The following MFN1 variants were observed in gnomAD, a reference collection of about 807,000 sequenced individuals.
MFN1 encodes the protein mitofusin-1.
Under a neutral mutation model 92.4 loss-of-function variants are expected in MFN1, and 65 were observed. The ratio of observed to expected loss-of-function variants is 0.70; its 90% CI spans 0.58 to 0.86. The LOEUF is 0.86. Among genes scored for constraint, MFN1 ranks in the 40% least tolerant of loss-of-function variants. The pLI, the probability that MFN1 is intolerant of heterozygous loss-of-function variation, is 0.00. For synonymous variants in MFN1, 297 were observed against 300.9 expected, an observed-to-expected ratio of 0.99 and a Z score of 0.13; for missense variants, 781 against 868.0, an observed-to-expected ratio of 0.90 and a Z score of 1.26.
Position 179,361,602 on chromosome 3 carries a change from T to A in MFN1, c.412-756T>A, listed in dbSNP as rs376022374. Among the ~76,000 whole-genome samples, 5 of 151,892 alleles carry A rather than the reference T, an allele frequency of 3.3e-5. 2 individuals carry two copies. The highest frequency in any genetic ancestry group is 6.6e-5 in the Admixed American group (1 of 15,232). ...CCCAGGCTGGGGTGCAGTGGCGTGA[T>A]CTTGGCTCACTGCAACCTTCACCTC... On this transcript the variant is annotated intron_variant, in intron 4 of 17. Coordinates refer to ENST00000471841, the MANE Select transcript of MFN1 (RefSeq NM_033540.3).
At chr3:179,373,966 C>T (rs1007561208) in intron 9 of MFN1, among the ~76,000 whole-genome samples, 1 of 151,964 alleles carries the variant, frequency 6.6e-6, no homozygotes, top group Non-Finnish European at 1.5e-5. Flanking sequence ...AGCCACCACG[C>T]CCGGCCCAAT....
intron 13 of MFN1, 37 bp from the exon 14 acceptor site, chr3:179,378,548 A>G (rs1713341994): frequency 1.3e-6 from 2 of 1,558,842 alleles, no homozygotes; most frequent in Non-Finnish European, 1.8e-6. Flanking sequence ...AACATTTACC[A>G]TTCTTATCTT....
chr3:179,359,059 T>C, intron 4 of MFN1, 57 bp downstream of exon 4: 1 of 1,459,362 alleles, frequency 6.9e-7, no homozygotes, highest in Non-Finnish European at 9.1e-7. Context: ...CTGAACTTAT[T>C]CTTTAATAAC....
At chr3:179,357,304 C>CTACA (rs1712383967) in intron 3 of MFN1, among the ~76,000 whole-genome samples, 1 of 152,200 alleles carries the variant, frequency 6.6e-6, no homozygotes, top group Admixed American at 6.5e-5. Context: ...AGCCATATTT[C>CTACA]TGTCCAGACC....
intron 16 of MFN1, 125 bp downstream of exon 16, chr3:179,386,754 C>A: frequency 3.5e-6 from 3 of 868,332 alleles, no homozygotes; most frequent in Non-Finnish European, 5.3e-6. Context: ...TTCGTGATGG[C>A]CATAAATGAG....
intron 3 of MFN1, among the ~76,000 whole-genome samples, chr3:179,353,390 T>C (rs1297409496): frequency 6.7e-6 from 1 of 149,392 alleles, no homozygotes; most frequent in African/African-American, 2.5e-5. Flanking sequence ...ATATTTTTAT[T>C]AGAGATAGGG....
At chr3:179,356,803 G>A (rs1337081175) in intron 3 of MFN1, among the ~76,000 whole-genome samples, 1 of 152,024 alleles carries the variant, frequency 6.6e-6, no homozygotes, top group Non-Finnish European at 1.5e-5. Context: ...ATATGGGGTG[G>A]AGGGACCCAA....
At position 179,392,053 on chromosome 3, in the gene MFN1, A is replaced by C. The variant is rs1299799469; in HGVS notation, c.2220A>C (p.Glu740Asp). Residue 740 changes from glutamate to aspartate, a missense_variant, in exon 18 of 18, where the codon GAA becomes GAC. Glu to Asp is a conservative substitution (Grantham distance 45, BLOSUM62 2). Coordinates refer to ENST00000471841, the MANE Select transcript of MFN1 (RefSeq NM_033540.3). ...AGTTTCTACCTTCAAGCAATGAAGA[A>C]TCCTAACAATAGAGATTGCTTTGGT... ...TKQFLPSSNE[E>D]S 5.6e-6 allele frequency: 9 copies of C among 1,605,978 alleles called. No individual in the cohort carries two copies. The highest frequency in any genetic ancestry group is 7.7e-6 in the Non-Finnish European group (9 of 1,173,260).
Position 179,367,485 on chromosome 3 carries a change from A to G in MFN1, c.800A>G (p.Glu267Gly). The G allele has an allele frequency of 6.2e-7, 1 of 1,613,324 alleles. No individual in the cohort carries two copies. The highest frequency in any genetic ancestry group is 8.5e-7 in the Non-Finnish European group (1 of 1,179,714). Residue 267 changes from glutamate to glycine, a missense_variant, in exon 8 of 18, where the codon GAG becomes GGG. Glu to Gly is a moderately conservative substitution (Grantham distance 98, BLOSUM62 -2). Transcript: ENST00000471841. ...MERCLHFLVE[E>G]LKVVNALEAQ... ...AGATGCCTGCATTTCTTGGTGGAGG[A>G]GCTCAAAGTTGTAAATGCTTTAGAA...
chr3:179,375,230 C>G lies in MFN1; in HGVS notation c.986C>G (p.Ser329Trp). 1 of 1,612,682 alleles carries G rather than the reference C, an allele frequency of 6.2e-7. No homozygotes were observed. The highest frequency in any genetic ancestry group is 1.1e-5 in the South Asian group (1 of 90,948). The change falls in exon 10 of 18, where the codon TCG becomes TGG. Residue 329 changes from serine (S) to tryptophan (W), a missense_variant. Physicochemically the swap from Ser to Trp is radical, Grantham distance 177. Transcript: ENST00000471841. ...TTGGGCCCCTCGCAGGAGTGTATCT[C>G]GCAGTCAGCAGTGAAAACAAAGTTC... ...NFEQIFEECI[S>W]QSAVKTKFEQ...
intron 16 of MFN1, among the ~76,000 whole-genome samples, chr3:179,387,288 A>G (rs1033143218): frequency 9.9e-5 from 15 of 152,128 alleles, no homozygotes; most frequent in African/African-American, 3.1e-4. Flanking sequence ...GCTCACGCCT[A>G]TAATCCCAGC....
chr3:179,391,749 T>A (rs978005455), intron 17 of MFN1, among the ~76,000 whole-genome samples: 1 of 152,216 alleles, frequency 6.6e-6, no homozygotes, highest in Non-Finnish European at 1.5e-5. Flanking sequence ...TCTGCTACTT[T>A]CCTTGTATGT....
In MFN1 at chr3:179,385,553, T is replaced by TG; in HGVS notation, c.1663-16_1663-15insG. 1 of 1,416,044 alleles carries TG rather than the reference T, an allele frequency of 7.1e-7. No homozygotes were observed. The highest frequency in any genetic ancestry group is 9.2e-7 in the Non-Finnish European group (1 of 1,090,028). The allele number at this position is 1,416,044 out of a possible 1,614,324, so 87.7% of individuals were successfully genotyped here. On this transcript the variant is annotated splice_polypyrimidine_tract_variant and intron_variant, in intron 14 of 17. Transcript: ENST00000471841. ...TTTAAGTGTAATCTTTTTTCCTTTC[T>TG]CTTTTTTTTTGGCAGCTCCCTAGAT... is the stretch of plus-strand genomic sequence containing the variant.
In MFN1 at chr3:179,394,297, G is replaced by C. The variant is rs539820262; in HGVS notation, c.*2238G>C. 2.0e-5 allele frequency: 3 copies of C among 152,072 alleles called. No individual in the cohort carries two copies. Among genetic ancestry groups the C allele is most frequent in the African/African-American group, 7.2e-5 (3 of 41,458 alleles). The allele number at this position is 152,072 out of a possible 1,614,324, so 9.4% of individuals were successfully genotyped here. ...GCACAGTGAAATTGGGGTACCACTGGTATTAGGTTTGGTATGGCAACTTTT... is the reference window on the plus strand; with the variant it reads ...GCACAGTGAAATTGGGGTACCACTGCTATTAGGTTTGGTATGGCAACTTTT... On this transcript the variant is annotated 3_prime_UTR_variant, in exon 18 of 18. Transcript: ENST00000471841.
At chr3:179,372,110 A>G (rs2108542372) in intron 9 of MFN1, among the ~76,000 whole-genome samples, 1 of 147,448 alleles carries the variant, frequency 6.8e-6, no homozygotes, top group Admixed American at 6.8e-5. Flanking sequence ...AATGTTATAT[A>G]TAAATATTAT....
chr3:179,348,049 G>T (rs990501036), intron 1 of MFN1: 3 of 152,142 alleles, frequency 2.0e-5, no homozygotes, highest in African/African-American at 4.8e-5. Flanking sequence ...CTAGACGGTC[G>T]TGCGCGGGGC....
At position 179,393,759 on chromosome 3, in the gene MFN1, T is replaced by C. The variant is rs1478684063; in HGVS notation, c.*1700T>C. ...TTACAAAACTCAAGGCTGTAACCTT[T>C]ATATGAAAGTACTTAAGCTTGAAAG... On this transcript the variant is annotated 3_prime_UTR_variant, in exon 18 of 18. Coordinates refer to ENST00000471841, the MANE Select transcript of MFN1 (RefSeq NM_033540.3). The C allele has an allele frequency of 1.3e-5, 2 of 152,238 alleles. No homozygotes were observed. The highest frequency in any genetic ancestry group is 4.8e-5 in the African/African-American group (2 of 41,464). The allele number at this position is 152,238 out of a possible 1,614,324, so 9.4% of individuals were successfully genotyped here.
chr3:179,368,026 T>A lies in MFN1; in HGVS notation c.908-10T>A. The A allele has an allele frequency of 6.6e-7, 1 of 1,514,390 alleles. No homozygotes were observed. The highest frequency in any genetic ancestry group is 8.9e-7 in the Non-Finnish European group (1 of 1,127,064). 93.8% of individuals were successfully genotyped at this position (1,514,390 alleles called of 1,614,324 possible). A position where few individuals can be genotyped will look rare whatever the true frequency, so the allele number is the denominator to read the frequency against. The stretch of plus-strand genomic sequence containing the variant: ...TACTAGGTTTTTAAATCTTTGCCTG[T>A]ACGTTACAGGTGTGGCACTTGCTGA... On this transcript the variant is annotated splice_polypyrimidine_tract_variant and intron_variant, in intron 8 of 17. Coordinates refer to ENST00000471841, the MANE Select transcript of MFN1 (RefSeq NM_033540.3).
intron 3 of MFN1, among the ~76,000 whole-genome samples, chr3:179,355,482 T>G (rs1372641454): frequency 2.6e-5 from 4 of 152,196 alleles, no homozygotes; most frequent in Admixed American, 2.6e-4. Context: ...CAAGTATAGT[T>G]ACCAAAAAGG....
Sources: allele counts gnomAD v4.1 joint callset (sites outside exome capture counted in the v4.1 genomes callset), GRCh38; gene constraint gnomAD v4.1.1; transcripts MANE v1.5; gene names NCBI Gene and HGNC (gene_info 2026-07-23, HGNC 2026-07-21).